The following RBFOX1 variants were observed in gnomAD, a reference collection of about 807,000 sequenced individuals.
The protein encoded by RBFOX1 is RNA binding fox-1 homolog 1, also known as RNA binding protein fox-1 homolog 1.
A neutral mutation model predicts 57.7 loss-of-function variants in RBFOX1; 8 were observed. That is an observed-to-expected ratio of 0.14 (90% CI 0.08 to 0.25). RBFOX1 has a LOEUF of 0.25. Ranked by LOEUF, RBFOX1 falls within the 10% of genes least tolerant of loss-of-function variation. The pLI, the probability that RBFOX1 is intolerant of heterozygous loss-of-function variation, is 1.00. For synonymous variants in RBFOX1, 326 were observed against 222.4 expected, an observed-to-expected ratio of 1.47 and a Z score of -4.15; for missense variants, 611 against 548.5, an observed-to-expected ratio of 1.11 and a Z score of -1.14.
intron 3 of RBFOX1, among the ~76,000 whole-genome samples, chr16:6,943,056 C>G (rs549324197): frequency 1.3e-5 from 2 of 152,184 alleles, no homozygotes; most frequent in African/African-American, 4.8e-5. Context: ...CCCTGAATGC[C>G]TTTACGTTAG....
chr16:7,314,602 G>T (rs900148282), intron 4 of RBFOX1, among the ~76,000 whole-genome samples: 79 of 152,286 alleles, frequency 5.2e-4, no homozygotes, highest in African/African-American at 1.7e-3. Flanking sequence ...TGGCATCACG[G>T]TCCTATTTGT....
intron 3 of RBFOX1, among the ~76,000 whole-genome samples, chr16:6,727,636 C>A (rs1163632960): frequency 6.6e-6 from 1 of 152,044 alleles, no homozygotes; most frequent in East Asian, 1.9e-4. Flanking sequence ...GGGATAGGGT[C>A]TTCTACCCCC....
At chr16:6,881,060 G>A (rs1603635968) in intron 3 of RBFOX1, among the ~76,000 whole-genome samples, 1 of 152,310 alleles carries the variant, frequency 6.6e-6, no homozygotes, top group East Asian at 1.9e-4. Flanking sequence ...GGCAGACATT[G>A]CTAATCAATC....
intron 3 of RBFOX1, among the ~76,000 whole-genome samples, chr16:6,904,927 C>T (rs1338676680): frequency 2.0e-5 from 3 of 152,164 alleles, no homozygotes. Context: ...GACAACAAAA[C>T]TACAATTTGC....
At chr16:5,781,578 A>G (rs1261799297) in intron 3 of RBFOX1, among the ~76,000 whole-genome samples, 1 of 152,244 alleles carries the variant, frequency 6.6e-6, no homozygotes, top group East Asian at 1.9e-4. Flanking sequence ...TTCATTGGCC[A>G]TACGGACTCC....
chr16:6,657,912 A>T (rs2098671641), intron 3 of RBFOX1, among the ~76,000 whole-genome samples: 1 of 151,848 alleles, frequency 6.6e-6, no homozygotes, highest in South Asian at 2.1e-4. Context: ...GAATCACTTT[A>T]TTTTTTATTA....
At chr16:6,830,453 C>G (rs1488243395) in intron 3 of RBFOX1, among the ~76,000 whole-genome samples, 1 of 152,036 alleles carries the variant, frequency 6.6e-6, no homozygotes, top group Non-Finnish European at 1.5e-5. Context: ...AAGAGGAAGA[C>G]CTTAGAAAAA....
intron 4 of RBFOX1, among the ~76,000 whole-genome samples, chr16:7,434,205 C>T (rs2098704249): frequency 6.6e-6 from 1 of 152,094 alleles, no homozygotes; most frequent in Non-Finnish European, 1.5e-5. Flanking sequence ...GGCGCGGTGG[C>T]TCACGGCTAT....
At chr16:5,308,253 G>A (rs896415294) in intron 1 of RBFOX1, among the ~76,000 whole-genome samples, 10 of 151,922 alleles carry the variant, frequency 6.6e-5, no homozygotes, top group African/African-American at 2.4e-4. Flanking sequence ...CTTGAACCTG[G>A]GAGGCAGAGG....
intron 4 of RBFOX1, among the ~76,000 whole-genome samples, chr16:5,979,790 A>C (rs2060136224): frequency 2.6e-5 from 4 of 151,874 alleles, no homozygotes; most frequent in Non-Finnish European, 5.9e-5. Context: ...TGAACCCGGG[A>C]GGCAGAGGTT....
At chr16:6,358,064 C>G (rs193114733) in intron 2 of RBFOX1, among the ~76,000 whole-genome samples, 98 of 152,154 alleles carry the variant, frequency 6.4e-4, no homozygotes, top group Admixed American at 3.7e-3. Context: ...CTTCCAGAAC[C>G]CTTTGAGAGT....
intron 1 of RBFOX1, among the ~76,000 whole-genome samples, chr16:5,241,210 T>A (rs2062159192): frequency 1.3e-5 from 2 of 152,170 alleles, no homozygotes; most frequent in South Asian, 4.1e-4. Context: ...GGAGGCTTGC[T>A]CCTGGTGACA....
intron 1 of RBFOX1, among the ~76,000 whole-genome samples, chr16:6,183,001 ATTAATTCACTGACAAATGTTT>A (rs566970100): frequency 2.4e-4 from 37 of 152,338 alleles, no homozygotes; most frequent in African/African-American, 6.3e-4. Context: ...GATCATATAC[ATTAATTCACTGACAAATGTTT>A]TTGAGTGTTT....
chr16:5,688,683 G>A (rs1362895453), intron 3 of RBFOX1, among the ~76,000 whole-genome samples: 1 of 152,170 alleles, frequency 6.6e-6, no homozygotes, highest in African/African-American at 2.4e-5. Flanking sequence ...AGTCTCACAT[G>A]TAAATTAATG....
intron 1 of RBFOX1, among the ~76,000 whole-genome samples, chr16:6,169,088 G>C (rs1035406996): frequency 6.6e-6 from 1 of 152,136 alleles, no homozygotes; most frequent in Non-Finnish European, 1.5e-5. Flanking sequence ...ATTCGGATTT[G>C]TAGAAAAATG....
chr16:5,767,280 G>A (rs930484735), intron 3 of RBFOX1, among the ~76,000 whole-genome samples: 28 of 152,218 alleles, frequency 1.8e-4, no homozygotes, highest in African/African-American at 6.3e-4. Context: ...AGGGAGATGA[G>A]GCGGAGAGCT....
At chr16:7,290,642 A>G (rs866142024) in intron 4 of RBFOX1, among the ~76,000 whole-genome samples, 12 of 152,380 alleles carry the variant, frequency 7.9e-5, no homozygotes, top group Middle Eastern at 3.4e-3. Flanking sequence ...TTTAACAAGC[A>G]TCCACTACAG....
At chr16:6,222,914 T>G (rs2097386019) in intron 1 of RBFOX1, among the ~76,000 whole-genome samples, 2 of 151,874 alleles carry the variant, frequency 1.3e-5, no homozygotes, top group Non-Finnish European at 2.9e-5. Flanking sequence ...TGTGTTCTCA[T>G]TGTTCAATTC....
intron 3 of RBFOX1, among the ~76,000 whole-genome samples, chr16:6,702,518 C>T (rs1048943888): frequency 5.3e-5 from 8 of 151,630 alleles, no homozygotes; most frequent in Admixed American, 1.3e-4. Context: ...TGTGCCATTG[C>T]ACTCCAGTCT....
Sources: gnomAD v4.1 joint callset for allele counts (sites outside exome capture counted in the v4.1 genomes callset) on GRCh38, gnomAD v4.1.1 for gene constraint, MANE v1.5 for transcripts, NCBI Gene and HGNC (gene_info 2026-07-23, HGNC 2026-07-21) for gene names.